Variants in LRRC7 observed in about 807,000 individuals in gnomAD.
The protein encoded by LRRC7 is leucine rich repeat containing 7.
LRRC7 carries 23 observed loss-of-function variants against 175.7 expected under a neutral mutation model. The observed-to-expected ratio is 0.13, with a 90% CI of 0.09 to 0.19. The LOEUF is 0.19. LRRC7 is among the 10% of genes least tolerant of loss of function. The pLI, the probability that LRRC7 is intolerant of heterozygous loss-of-function variation, is 1.00. For missense variants in LRRC7, 1,354 were observed against 1,904.7 expected (o/e 0.71, Z 5.38); for synonymous variants, 685 against 680.9 (o/e 1.01, Z -0.09).
intron 3 of LRRC7, among the ~76,000 whole-genome samples, chr1:69,761,976 G>A (rs1263372365): frequency 6.6e-6 from 1 of 151,886 alleles, no homozygotes; most frequent in East Asian, 1.9e-4. Flanking sequence ...ATCTAGGATT[G>A]CCAGAAAGAA....
intron 1 of LRRC7, among the ~76,000 whole-genome samples, chr1:69,666,551 T>C (rs1179650269): frequency 6.6e-6 from 1 of 152,052 alleles, no homozygotes; most frequent in Non-Finnish European, 1.5e-5. Flanking sequence ...TGGAAGGTTT[T>C]ATGTGTGTAG....
chr1:69,907,245 C>A (rs1389307489), intron 7 of LRRC7, among the ~76,000 whole-genome samples: 4 of 152,018 alleles, frequency 2.6e-5, no homozygotes, highest in Non-Finnish European at 5.9e-5. Flanking sequence ...AATCGAATAC[C>A]CTTTATTTCC....
chr1:69,939,809 A>G (rs566067003), intron 8 of LRRC7, among the ~76,000 whole-genome samples: 3 of 152,252 alleles, frequency 2.0e-5, no homozygotes, highest in East Asian at 1.9e-4. Context: ...AGATCGATCA[A>G]TTCTCATCAT....
At chr1:69,754,472 G>GA (rs1670185452) in intron 2 of LRRC7, among the ~76,000 whole-genome samples, 1 of 152,046 alleles carries the variant, frequency 6.6e-6, no homozygotes, top group Non-Finnish European at 1.5e-5. Flanking sequence ...TGAGAAACTA[G>GA]GTCAGTGGTA....
intron 1 of LRRC7, among the ~76,000 whole-genome samples, chr1:69,643,154 T>G (rs184524649): frequency 3.9e-4 from 60 of 152,170 alleles, no homozygotes; most frequent in Non-Finnish European, 8.1e-4. Flanking sequence ...AGGGGAAGCA[T>G]TGGATCTTCA....
intron 7 of LRRC7, among the ~76,000 whole-genome samples, chr1:69,904,470 A>T (rs894025168): frequency 6.6e-6 from 1 of 152,162 alleles, no homozygotes; most frequent in Non-Finnish European, 1.5e-5. Context: ...AAACCATGCA[A>T]ATGGAAACCT....
At chr1:69,780,023 G>A (rs960795913) in intron 3 of LRRC7, among the ~76,000 whole-genome samples, 6 of 152,096 alleles carry the variant, frequency 3.9e-5, no homozygotes, top group Non-Finnish European at 7.4e-5. Context: ...GTGTCACTCT[G>A]CTCACTTCTA....
intron 2 of LRRC7, among the ~76,000 whole-genome samples, chr1:69,710,278 C>A (rs1345799237): frequency 2.9e-3 from 254 of 86,976 alleles, no homozygotes; most frequent in South Asian, 6.3e-3. Context: ...GACTCCGTCT[C>A]AAAAAAAAAA....
intron 7 of LRRC7, among the ~76,000 whole-genome samples, chr1:69,887,176 T>C (rs1570507289): frequency 8.1e-6 from 1 of 124,168 alleles, no homozygotes; most frequent in East Asian, 2.4e-4. Context: ...CCTTGCTAGA[T>C]TGGGGAAGTT....
Position 69,770,654 on chromosome 1 carries a change from C to G in LRRC7, c.303+10261C>G, listed in dbSNP as rs188620170. ...CGAGATTTAACACAGCCTAAACTTG[C>G]AAATGTAGAACAAAAAAATTGCCAC... On this transcript the variant is annotated intron_variant, in intron 3 of 26. Coordinates refer to ENST00000651989, the MANE Select transcript of LRRC7 (RefSeq NM_001370785.2). Among the ~76,000 whole-genome samples the G allele has an allele frequency of 1.8e-4, 28 of 152,234 alleles. No homozygotes were observed. In the East Asian group the frequency reaches 5.2e-3, roughly 28 times the overall value.
chr1:69,952,997 CAAA>C (rs61277479), intron 8 of LRRC7, among the ~76,000 whole-genome samples: 6 of 56,988 alleles, frequency 1.1e-4, no homozygotes, highest in African/African-American at 2.0e-4. Context: ...AGAGACAAGG[CAAA>C]AAAAAAAAAA....
Position 69,707,423 on chromosome 1 carries a change from AC to A in LRRC7, c.100+28948del, listed in dbSNP as rs144095750. Among the ~76,000 whole-genome samples, 1,366 of 152,192 alleles carry A rather than the reference AC, an allele frequency of 9.0e-3. 24 individuals are homozygous for A. Among genetic ancestry groups the A allele is most frequent in the African/African-American group, 0.032 (1,330 of 41,506 alleles). On this transcript the variant is annotated intron_variant, in intron 2 of 26. Transcript: ENST00000651989. ...CTGCCCGCAGAATAGAGCCTCAGTT[AC>A]CCAGATTGGTAATCTGCTTTATTAC...
intron 1 of LRRC7, among the ~76,000 whole-genome samples, chr1:69,593,409 A>G (rs1345364217): frequency 6.6e-6 from 1 of 152,080 alleles, no homozygotes; most frequent in Admixed American, 6.6e-5. Context: ...CCAATCACAA[A>G]TGGTTGAAGG....
intron 8 of LRRC7, among the ~76,000 whole-genome samples, chr1:69,945,236 C>T (rs1278506700): frequency 6.6e-6 from 1 of 152,010 alleles, no homozygotes; most frequent in Non-Finnish European, 1.5e-5. Flanking sequence ...CCAACTTTCC[C>T]AAAAGTATTT....
chr1:69,607,104 T>A (rs1647717167), intron 1 of LRRC7: 1 of 152,108 alleles, frequency 6.6e-6, no homozygotes, highest in Non-Finnish European at 1.5e-5. Flanking sequence ...GCGATGCGAA[T>A]TTTTGTTGGT....
At chr1:69,940,424 G>T (rs756994875) in intron 8 of LRRC7, among the ~76,000 whole-genome samples, 1 of 151,966 alleles carries the variant, frequency 6.6e-6, no homozygotes, top group African/African-American at 2.4e-5. Context: ...CTCGGTTTGC[G>T]TTTCCATAAA....
intron 2 of LRRC7, among the ~76,000 whole-genome samples, chr1:69,748,586 A>G (rs1393173304): frequency 2.0e-5 from 3 of 152,186 alleles, no homozygotes; most frequent in Non-Finnish European, 4.4e-5. Context: ...TAAAAGTACT[A>G]AACACACCTC....
chr1:70,096,824 C>T (rs1664437580), intron 25 of LRRC7, among the ~76,000 whole-genome samples: 1 of 152,152 alleles, frequency 6.6e-6, no homozygotes. Context: ...TGAAGGTGTT[C>T]ATTTCTGGGC....
intron 8 of LRRC7, among the ~76,000 whole-genome samples, chr1:69,948,074 A>G (rs1649531787): frequency 6.6e-6 from 1 of 152,132 alleles, no homozygotes; most frequent in Non-Finnish European, 1.5e-5. Context: ...GGTGACTCAC[A>G]TCCCAGGAGA....
Sources: gnomAD v4.1 joint callset for allele counts (sites outside exome capture counted in the v4.1 genomes callset) on GRCh38, gnomAD v4.1.1 for gene constraint, MANE v1.5 for transcripts, NCBI Gene and HGNC (gene_info 2026-07-23, HGNC 2026-07-21) for gene names.